CCDC148: variants seen among roughly 807,000 people sequenced by gnomAD.
The protein encoded by CCDC148 is coiled-coil domain-containing protein 148.
In CCDC148, 89 loss-of-function variants were observed where a neutral mutation model predicts 85.7. That is an observed-to-expected ratio of 1.04 (90% CI 0.87 to 1.24). The LOEUF (loss-of-function observed/expected upper bound fraction) is 1.24. CCDC148 is among the 50% of genes most tolerant of loss of function. The pLI, the probability that CCDC148 is intolerant of heterozygous loss-of-function variation, is 0.00. For synonymous variants in CCDC148, 230 were observed against 213.9 expected (o/e 1.08, Z -0.66); for missense variants, 692 against 671.7 (o/e 1.03, Z -0.33).
At chr2:158,272,886 T>G (rs1574517442) in intron 9 of CCDC148, among the ~76,000 whole-genome samples, 1 of 152,208 alleles carries the variant, frequency 6.6e-6, no homozygotes, top group South Asian at 2.1e-4. Flanking sequence ...ATGGATATAT[T>G]AATTAGCATG....
In CCDC148 at chr2:158,321,495, G is replaced by A. The variant is rs1008665116; in HGVS notation, c.765-7601C>T. Among the ~76,000 whole-genome samples the A allele has an allele frequency of 6.6e-5, 10 of 152,248 alleles. No homozygotes were observed. In the South Asian group the frequency reaches 1.9e-3, roughly 28 times the overall value. ...GACTGGAAGTGCAGAACCTGAGACT[G>A]GACATGCCCAGGCACTGAAACTTTC... is the stretch of plus-strand genomic sequence containing the variant. On this transcript the variant is annotated intron_variant, in intron 7 of 13. Transcript: ENST00000283233.
rs545850435 is a variant in CCDC148 at position 158,300,766 on chromosome 2, T to C, written c.1110+8667A>G. ...CTAGAAAGAAAGCCGGGGTCCAAAT[T>C]ACTGAAAACCTGGACAGCCATGCCA... On this transcript the variant is annotated intron_variant, in intron 9 of 13. Transcript: ENST00000283233. Among the ~76,000 whole-genome samples the C allele has an allele frequency of 6.6e-5, 10 of 152,278 alleles. No individual in the cohort carries two copies. In the South Asian group the frequency reaches 1.9e-3, roughly 28 times the overall value.
In CCDC148 at chr2:158,250,833, T is replaced by C. The variant is rs1260429850; in HGVS notation, c.1190A>G (p.Glu397Gly). 1.3e-5 allele frequency: 21 copies of C among 1,607,022 alleles called. No individual in the cohort carries two copies. Among genetic ancestry groups the C allele is most frequent in the Non-Finnish European group, 1.8e-5 (21 of 1,178,172 alleles). ...EISARRREKE[E>G]EKEKLWKKKE... ...CTTCTTCCACAGTTTCTCTTTCTCCTCTTCCTTTTCTCTTCTTCTGGCAGA... is the reference window on the plus strand; with the variant it reads ...CTTCTTCCACAGTTTCTCTTTCTCCCCTTCCTTTTCTCTTCTTCTGGCAGA... The change falls in exon 10 of 14, where the codon GAG becomes GGG. Residue 397 changes from glutamate to glycine, a missense_variant. Physicochemically the swap from Glu to Gly is moderately conservative, Grantham distance 98. Transcript: ENST00000283233.
At chr2:158,295,846 T>C (rs1024051614) in intron 9 of CCDC148, among the ~76,000 whole-genome samples, 3 of 151,656 alleles carry the variant, frequency 2.0e-5, no homozygotes, top group Non-Finnish European at 2.9e-5. Context: ...AGCACTCCTA[T>C]TCAACATAGT....
At chr2:158,328,270 T>G (rs1692894286) in intron 7 of CCDC148, among the ~76,000 whole-genome samples, 1 of 152,184 alleles carries the variant, frequency 6.6e-6, no homozygotes, top group African/African-American at 2.4e-5. Context: ...TGTGTTTGTT[T>G]TTTTGTCCTT....
intron 11 of CCDC148, among the ~76,000 whole-genome samples, chr2:158,212,947 C>A (rs929042980): frequency 1.3e-5 from 2 of 152,108 alleles, no homozygotes; most frequent in African/African-American, 4.8e-5. Context: ...TGACTTTGGG[C>A]CCATACTTGA....
At chr2:158,435,058 A>T (rs1687573454) in intron 1 of CCDC148, among the ~76,000 whole-genome samples, 1 of 152,200 alleles carries the variant, frequency 6.6e-6, no homozygotes, top group African/African-American at 2.4e-5. Context: ...ACTCTGCAGG[A>T]TGTTATCCAG....
At chr2:158,326,596 C>A (rs1692789520) in intron 7 of CCDC148, among the ~76,000 whole-genome samples, 1 of 152,120 alleles carries the variant, frequency 6.6e-6, no homozygotes, top group South Asian at 2.1e-4. Context: ...AATTAACTTG[C>A]AAAATGTCTT....
At chr2:158,302,909 T>TG (rs1200538068) in intron 9 of CCDC148, among the ~76,000 whole-genome samples, 2 of 152,008 alleles carry the variant, frequency 1.3e-5, no homozygotes, top group African/African-American at 4.8e-5. Context: ...GGGGAAAACT[T>TG]GGGGGATCAA....
chr2:158,171,935 A>G lies in CCDC148; in HGVS notation c.*178T>C, dbSNP rs1684337152. 9 of 493,726 alleles carry G rather than the reference A, an allele frequency of 1.8e-5. No homozygotes were observed. In the South Asian group the frequency reaches 3.0e-4, roughly 17 times the overall value. 30.6% of individuals were successfully genotyped at this position (493,726 alleles called of 1,614,324 possible). On this transcript the variant is annotated 3_prime_UTR_variant, in exon 14 of 14. Coordinates refer to ENST00000283233, the MANE Select transcript of CCDC148 (RefSeq NM_138803.4). ...GTACTATTAAATATAACTTAAAGAT[A>G]CAGGAAATATAGTGCATAAAATTCT...
At chr2:158,212,429 G>A (rs1240913479) in intron 11 of CCDC148, among the ~76,000 whole-genome samples, 2 of 152,206 alleles carry the variant, frequency 1.3e-5, no homozygotes, top group Non-Finnish European at 2.9e-5. Flanking sequence ...ACATTGTTAA[G>A]AAAAGACATG....
At chr2:158,263,960 T>C (rs1007627326) in intron 9 of CCDC148, among the ~76,000 whole-genome samples, 2 of 151,816 alleles carry the variant, frequency 1.3e-5, no homozygotes, top group Non-Finnish European at 2.9e-5. Context: ...AATGTACAGG[T>C]TTACATTAAC....
chr2:158,229,072 C>T (rs1687718445), intron 10 of CCDC148, among the ~76,000 whole-genome samples: 3 of 152,062 alleles, frequency 2.0e-5, no homozygotes, highest in Non-Finnish European at 4.4e-5. Context: ...TTCCAACCTT[C>T]CTAATCAACT....
chr2:158,375,390 T>C (rs2105283447), intron 1 of CCDC148, among the ~76,000 whole-genome samples: 1 of 152,256 alleles, frequency 6.6e-6, no homozygotes, highest in East Asian at 1.9e-4. Context: ...TTTCTTCTGA[T>C]TAATGGTCAC....
At chr2:158,439,373 G>A (rs1687829821) in intron 1 of CCDC148, among the ~76,000 whole-genome samples, 1 of 152,086 alleles carries the variant, frequency 6.6e-6, no homozygotes, top group Non-Finnish European at 1.5e-5. Flanking sequence ...AACTATTGCA[G>A]GGACAGGAAA....
At chr2:158,339,156 A>C in intron 5 of CCDC148, 71 bp from the exon 6 acceptor site, 1 of 1,156,710 alleles carries the variant, frequency 8.6e-7, no homozygotes, top group Non-Finnish European at 1.3e-6. Flanking sequence ...TAAAGACACA[A>C]TAATTATTCT....
At chr2:158,339,192 A>G (rs1156322348) in intron 5 of CCDC148, 107 bp from the exon 6 acceptor site, 1 of 867,724 alleles carries the variant, frequency 1.2e-6, no homozygotes, top group African/African-American at 1.7e-5. Context: ...GATGAAGTTT[A>G]AAGACCTGTG....
intron 1 of CCDC148, among the ~76,000 whole-genome samples, chr2:158,422,850 A>C (rs1252835948): frequency 2.6e-5 from 4 of 150,986 alleles, no homozygotes; most frequent in Non-Finnish European, 4.4e-5. Flanking sequence ...GTTTCAGCCC[A>C]AAATCTCCTT....
chr2:158,437,197 T>G (rs1299131141), intron 1 of CCDC148, among the ~76,000 whole-genome samples: 6 of 152,044 alleles, frequency 3.9e-5, no homozygotes, highest in Non-Finnish European at 8.8e-5. Flanking sequence ...TAGACCAATA[T>G]CCCTGATGAA....
Sources: allele counts gnomAD v4.1 joint callset (sites outside exome capture counted in the v4.1 genomes callset), GRCh38; gene constraint gnomAD v4.1.1; transcripts MANE v1.5; gene names NCBI Gene and HGNC (gene_info 2026-07-23, HGNC 2026-07-21).